ANKRD17: variants seen among roughly 807,000 people sequenced by gnomAD.
ANKRD17 encodes the protein ankyrin repeat domain-containing protein 17.
Under a neutral mutation model 229.7 loss-of-function variants are expected in ANKRD17, and 19 were observed. The ratio of observed to expected loss-of-function variants is 0.08; its 90% CI spans 0.06 to 0.12. The LOEUF is 0.12. Ranked by LOEUF, ANKRD17 falls within the 10% of genes least tolerant of loss-of-function variation. The pLI is 1.00. For missense variants in ANKRD17, 2,176 were observed against 3,176.8 expected, an observed-to-expected ratio of 0.68 and a Z score of 7.57; for synonymous variants, 1,112 against 1,146.1, an observed-to-expected ratio of 0.97 and a Z score of 0.60.
At chr4:73,236,627 T>TA (rs1445374665) in intron 1 of ANKRD17, among the ~76,000 whole-genome samples, 2 of 151,236 alleles carry the variant, frequency 1.3e-5, no homozygotes, top group East Asian at 3.9e-4. Context: ...GTCCATGACC[T>TA]AAAAAAGGTA....
At chr4:73,182,129 GAAATA>G (rs1735665270) in intron 1 of ANKRD17, among the ~76,000 whole-genome samples, 1 of 118,428 alleles carries the variant, frequency 8.4e-6, no homozygotes, top group South Asian at 3.0e-4. Context: ...TTATTTGAAT[GAAATA>G]TATAAATAAC....
chr4:73,088,258 A>T (rs1048578565), intron 29 of ANKRD17, among the ~76,000 whole-genome samples: 1 of 152,128 alleles, frequency 6.6e-6, no homozygotes, highest in African/African-American at 2.4e-5. Flanking sequence ...GAGAAGTGAA[A>T]ATTAGGATCT....
At chr4:73,170,454 G>A (rs1292009812) in intron 2 of ANKRD17, among the ~76,000 whole-genome samples, 6 of 151,268 alleles carry the variant, frequency 4.0e-5, no homozygotes, top group Non-Finnish European at 7.4e-5. Context: ...TGCCTTGGTT[G>A]AGATTCTGAG....
At chr4:73,238,511 G>C (rs1429855970) in intron 1 of ANKRD17, among the ~76,000 whole-genome samples, 1 of 152,106 alleles carries the variant, frequency 6.6e-6, no homozygotes. Context: ...ACAGGAGTTA[G>C]GGAAACAAGA....
At chr4:73,207,377 GGAGAA>G (rs1466521705) in intron 1 of ANKRD17, among the ~76,000 whole-genome samples, 1 of 152,024 alleles carries the variant, frequency 6.6e-6, no homozygotes, top group African/African-American at 2.4e-5. Flanking sequence ...ATAACAAATG[GGAGAA>G]GTGGGAAACA....
chr4:73,093,379 T>TTTC (rs1722974278), intron 28 of ANKRD17, among the ~76,000 whole-genome samples: 1 of 147,418 alleles, frequency 6.8e-6, no homozygotes, highest in African/African-American at 2.5e-5. Context: ...TCAAATTCTT[T>TTTC]TTTTTTTTTT....
chr4:73,090,632 G>T (rs775740487), intron 29 of ANKRD17, 35 bp downstream of exon 29: 1 of 1,611,470 alleles, frequency 6.2e-7, no homozygotes, highest in East Asian at 2.2e-5. Flanking sequence ...TTGTGCAAAT[G>T]AACAGCTGCA....
intron 2 of ANKRD17, among the ~76,000 whole-genome samples, chr4:73,176,151 A>G (rs562214302): frequency 6.6e-6 from 1 of 152,204 alleles, no homozygotes; most frequent in Non-Finnish European, 1.5e-5. Flanking sequence ...AAAGATTTGA[A>G]CAGCATTTCT....
intron 30 of ANKRD17, among the ~76,000 whole-genome samples, chr4:73,081,516 C>G (rs1369830476): frequency 3.9e-5 from 6 of 152,126 alleles, no homozygotes; most frequent in Non-Finnish European, 7.4e-5. Context: ...TTTCACATCT[C>G]TAATTATTAT....
At position 73,139,520 on chromosome 4, in the gene ANKRD17, T is replaced by C; in HGVS notation, c.3085+11A>G. On this transcript the variant is annotated intron_variant, in intron 15 of 33. Transcript: ENST00000358602. ...CATATTTGATACCTGCTCATAACAA[T>C]ATAAACCCACCTGCCATGATGTCAT... The C allele has an allele frequency of 6.2e-7, 1 of 1,603,686 alleles. No homozygotes were observed. Among genetic ancestry groups the C allele is most frequent in the Non-Finnish European group, 8.5e-7 (1 of 1,174,512 alleles).
Position 73,135,146 on chromosome 4 carries a change from T to C in ANKRD17, c.3205A>G (p.Ile1069Val), listed in dbSNP as rs1728727271. 9 of 1,613,694 alleles carry C rather than the reference T, an allele frequency of 5.6e-6. No homozygotes were observed. Among genetic ancestry groups the C allele is most frequent in the Non-Finnish European group, 7.6e-6 (9 of 1,179,740 alleles). The change falls in exon 16 of 34, where the codon ATC becomes GTC. Residue 1069 changes from isoleucine (I) to valine (V), a missense_variant. Physicochemically the swap from Ile to Val is conservative, Grantham distance 29. Around this residue, in one of 18 missense-constraint regions of ANKRD17, gnomAD observed 230 missense variants for 252.3 expected, o/e 0.91. Coordinates refer to ENST00000358602, the MANE Select transcript of ANKRD17 (RefSeq NM_032217.5). ...PIISPSAMLPIYPAIDIDAQT... is the reference protein window; with the variant it reads ...PIISPSAMLPVYPAIDIDAQT... ...GCATCAATATCAATGGCAGGGTAGA[T>C]AGGAAGCATGGCTGAAGGAGAGATG... is the stretch of plus-strand genomic sequence containing the variant.
chr4:73,138,990 T>C (rs985673581), intron 15 of ANKRD17, among the ~76,000 whole-genome samples: 14 of 152,146 alleles, frequency 9.2e-5, no homozygotes, highest in Admixed American at 5.9e-4. Flanking sequence ...CAAAATCACT[T>C]ACATACAGTA....
At chr4:73,256,327 A>C (rs1447770718) in intron 1 of ANKRD17, among the ~76,000 whole-genome samples, 1 of 152,216 alleles carries the variant, frequency 6.6e-6, no homozygotes, top group Non-Finnish European at 1.5e-5. Flanking sequence ...TTGCAGCAGA[A>C]TATCCCAGTA....
chr4:73,147,563 C>T (rs1730448123), intron 8 of ANKRD17, 131 bp from the exon 9 acceptor site: 3 of 750,010 alleles, frequency 4.0e-6, no homozygotes, highest in East Asian at 6.5e-5. Flanking sequence ...TAAGAAAGTG[C>T]CTCTCTCCTA....
chr4:73,237,515 T>G (rs1486553683), intron 1 of ANKRD17, among the ~76,000 whole-genome samples: 7 of 152,264 alleles, frequency 4.6e-5, no homozygotes, highest in African/African-American at 1.7e-4. Context: ...AGAGAGGATC[T>G]TGGACTGTGA....
intron 21 of ANKRD17, among the ~76,000 whole-genome samples, 190 bp downstream of exon 21, chr4:73,119,970 CAG>C (rs1726503909): frequency 6.6e-6 from 1 of 152,072 alleles, no homozygotes; most frequent in South Asian, 2.1e-4. Flanking sequence ...TTAGGTTACA[CAG>C]AAACAAATCA....
At chr4:73,211,808 T>G (rs1047099462) in intron 1 of ANKRD17, among the ~76,000 whole-genome samples, 2 of 149,276 alleles carry the variant, frequency 1.3e-5, no homozygotes, top group African/African-American at 5.0e-5. Flanking sequence ...GATGGTGCCA[T>G]TGTACTCCAA....
chr4:73,210,956 G>T (rs1740165450), intron 1 of ANKRD17, among the ~76,000 whole-genome samples: 1 of 151,222 alleles, frequency 6.6e-6, no homozygotes, highest in Admixed American at 6.6e-5. Flanking sequence ...ATTTTCCTTT[G>T]GTCTTAATTT....
intron 1 of ANKRD17, among the ~76,000 whole-genome samples, chr4:73,179,488 G>GTGTGTATATATA (rs1491132715): frequency 2.1e-5 from 1 of 48,240 alleles, no homozygotes; most frequent in African/African-American, 8.8e-5. Context: ...GTGTGTGTGT[G>GTGTGTATATATA]TATATATATA....
Sources: gnomAD v4.1 joint callset for allele counts (sites outside exome capture counted in the v4.1 genomes callset) on GRCh38, gnomAD v4.1.1 for gene constraint, gnomAD v4.1.1 regional missense constraint, MANE v1.5 for transcripts, NCBI Gene and HGNC (gene_info 2026-07-23, HGNC 2026-07-21) for gene names.